Variants in UBXN2B observed in about 807,000 individuals in gnomAD.
UBXN2B encodes UBX domain-containing protein 2B.
A neutral mutation model predicts 37.5 loss-of-function variants in UBXN2B; 19 were observed. The ratio of observed to expected loss-of-function variants is 0.51; its 90% CI spans 0.35 to 0.74. UBXN2B has a LOEUF of 0.74. Among genes scored for constraint, UBXN2B ranks in the 30% least tolerant of loss-of-function variants. The pLI is 0.01. For missense variants in UBXN2B, 370 were observed against 393.2 expected, an observed-to-expected ratio of 0.94 and a Z score of 0.50; for synonymous variants, 145 against 143.8, an observed-to-expected ratio of 1.01 and a Z score of -0.06.
chr8:58,415,149 A>C (rs1454386423), intron 1 of UBXN2B, among the ~76,000 whole-genome samples: 5 of 152,110 alleles, frequency 3.3e-5, no homozygotes, highest in Non-Finnish European at 7.4e-5. Flanking sequence ...ATAATGCTTA[A>C]TATGAATGTC....
intron 7 of UBXN2B, among the ~76,000 whole-genome samples, chr8:58,446,779 A>ATTTTTGTTTTTTTTT (rs1808682867): frequency 5.8e-5 from 1 of 17,386 alleles, no homozygotes; most frequent in African/African-American, 2.2e-4. Flanking sequence ...TACAACCTGC[A>ATTTTTGTTTTTTTTT]TTTTTTTTTT....
Position 58,447,421 on chromosome 8 carries a change from C to A in UBXN2B, c.866C>A (p.Ser289Tyr). The A allele has an allele frequency of 6.2e-7, 1 of 1,611,930 alleles. No homozygotes were observed. The highest frequency in any genetic ancestry group is 8.5e-7 in the Non-Finnish European group (1 of 1,178,980). ...GATGTCCGGAACTTTATTGTACAGT[C>A]TCGTCCTGAATTTGCGGCTCTTGAC... ...ILDVRNFIVQ[S>Y]RPEFAALDFI... is the part of the protein sequence containing the mutation. Residue 289 changes from serine (S) to tyrosine (Y), a missense_variant, in exon 8 of 8, where the codon TCT becomes TAT. Ser to Tyr is a moderately radical substitution (Grantham distance 144, BLOSUM62 -2). Coordinates refer to ENST00000399598, the MANE Select transcript of UBXN2B (RefSeq NM_001077619.2).
intron 2 of UBXN2B, chr8:58,424,892 T>G: frequency 9.7e-7 from 1 of 1,028,938 alleles, no homozygotes; most frequent in Non-Finnish European, 1.5e-6. Context: ...ACCATCTGGA[T>G]AGTTTTGAGA....
At chr8:58,428,189 C>T (rs1039238871) in intron 2 of UBXN2B, among the ~76,000 whole-genome samples, 2 of 152,068 alleles carry the variant, frequency 1.3e-5, no homozygotes, top group African/African-American at 2.4e-5. Flanking sequence ...AGTAAATGCA[C>T]GGGAAAGATG....
At chr8:58,419,919 G>A (rs1807883743) in intron 2 of UBXN2B, among the ~76,000 whole-genome samples, 1 of 152,216 alleles carries the variant, frequency 6.6e-6, no homozygotes, top group South Asian at 2.1e-4. Flanking sequence ...ATGCTTTGCT[G>A]TTACTGTTTT....
At chr8:58,415,892 A>G (rs1807765657) in intron 1 of UBXN2B, among the ~76,000 whole-genome samples, 1 of 152,084 alleles carries the variant, frequency 6.6e-6, no homozygotes, top group Non-Finnish European at 1.5e-5. Flanking sequence ...TTATTTGTGT[A>G]TATTTTAAAA....
chr8:58,434,838 G>A (rs1169448677), intron 5 of UBXN2B: 3 of 1,535,548 alleles, frequency 2.0e-6, no homozygotes, highest in Non-Finnish European at 2.6e-6. Flanking sequence ...CTAAGCCACT[G>A]TCCTGCTTAC....
chr8:58,447,348 G>T, intron 7 of UBXN2B, 41 bp from the exon 8 acceptor site: 8 of 1,489,700 alleles, frequency 5.4e-6, no homozygotes, highest in Non-Finnish European at 7.2e-6. Flanking sequence ...ATGAAAATAT[G>T]ATTTTTTATA....
At position 58,451,477 on chromosome 8, in the gene UBXN2B, TAAA is replaced by T. The variant is rs979492317; in HGVS notation, c.*3927_*3929del. 2 of 152,256 alleles carry T rather than the reference TAAA, an allele frequency of 1.3e-5. No individual in the cohort carries two copies. Among genetic ancestry groups the T allele is most frequent in the Admixed American group, 6.5e-5 (1 of 15,290 alleles). The allele number at this position is 152,256 out of a possible 1,614,324, so 9.4% of individuals were successfully genotyped here. A position where few individuals can be genotyped will look rare whatever the true frequency, so the allele number is the denominator to read the frequency against. On this transcript the variant is annotated 3_prime_UTR_variant, in exon 8 of 8. Coordinates refer to ENST00000399598, the MANE Select transcript of UBXN2B (RefSeq NM_001077619.2). ...AAAGTTTGAAATGTCTGCTTACTAA[TAAA>T]GAATGTTTTCACTGAAACTTATTGG...
At chr8:58,445,170 A>G (rs1174535301) in intron 6 of UBXN2B, among the ~76,000 whole-genome samples, 1 of 152,190 alleles carries the variant, frequency 6.6e-6, no homozygotes, top group Non-Finnish European at 1.5e-5. Context: ...TTTGGCATAT[A>G]CTGGCTGATC....
intron 1 of UBXN2B, among the ~76,000 whole-genome samples, chr8:58,414,848 C>T (rs1485067617): frequency 6.6e-6 from 1 of 151,562 alleles, no homozygotes; most frequent in African/African-American, 2.4e-5. Context: ...GTATGTTCCA[C>T]ATTCCATGGG....
rs1010594528 is a variant in UBXN2B, at chr8:58,447,806, T to C, written c.*255T>C. The C allele has an allele frequency of 1.0e-4, 31 of 298,862 alleles. 1 individual carries two copies. Among genetic ancestry groups the C allele is most frequent in the African/African-American group, 6.4e-4 (30 of 46,634 alleles). 18.5% of individuals were successfully genotyped at this position (298,862 alleles called of 1,614,324 possible). ...GTTTTTGGATTTCTAGGCAAATGAG[T>C]TGTTACATGCTTAGTGTTAATGTAA... On this transcript the variant is annotated 3_prime_UTR_variant, in exon 8 of 8. Coordinates refer to ENST00000399598, the MANE Select transcript of UBXN2B (RefSeq NM_001077619.2).
At chr8:58,444,443 G>A (rs1808622312) in intron 6 of UBXN2B, among the ~76,000 whole-genome samples, 1 of 152,160 alleles carries the variant, frequency 6.6e-6, no homozygotes, top group Middle Eastern at 3.2e-3. Context: ...TTGAAACCAG[G>A]TAATCCAGCT....
intron 2 of UBXN2B, among the ~76,000 whole-genome samples, chr8:58,429,382 A>G: frequency 6.6e-6 from 1 of 152,098 alleles, no homozygotes; most frequent in Admixed American, 6.5e-5. Flanking sequence ...CTTGCTTGCT[A>G]CTCTGGACCC....
At position 58,416,899 on chromosome 8, in the gene UBXN2B, A is replaced by C; in HGVS notation, c.134A>C (p.Lys45Thr). 6.2e-7 allele frequency: 1 copy of C among 1,612,988 alleles called. No homozygotes were observed. Among genetic ancestry groups the C allele is most frequent in the Non-Finnish European group, 8.5e-7 (1 of 1,179,186 alleles). ...YEDEVKCKSS[K>T]SNRPKATVFK... ...GATGAAGTGAAGTGCAAATCTTCCA[A>C]GTCTAATAGACCTAAAGCCACAGTC... Residue 45 changes from lysine (K) to threonine (T), a missense_variant, in exon 2 of 8, where the codon AAG (lysine) becomes ACG (threonine). By Grantham distance (78) the Lys-to-Thr change is moderately conservative. Transcript: ENST00000399598.
rs1004297169 is a variant in UBXN2B at position 58,436,269 on chromosome 8, C to G, written c.533+1765C>G. 2.6e-5 allele frequency among the ~76,000 whole-genome samples: 4 copies of G among 152,110 alleles called. No homozygotes were observed. In the East Asian group the frequency reaches 7.7e-4, roughly 29 times the overall value. ...ACAATCTTCCCTCACTTTACATGGT[C>G]GTAAAGTGGACTTTACTTCCTGGAG... On this transcript the variant is annotated intron_variant, in intron 5 of 7. Coordinates refer to ENST00000399598, the MANE Select transcript of UBXN2B (RefSeq NM_001077619.2).
At position 58,419,477 on chromosome 8, in the gene UBXN2B, G is replaced by A. The variant is rs540962702; in HGVS notation, c.188+2524G>A. 1.5e-3 allele frequency among the ~76,000 whole-genome samples: 235 copies of A among 152,276 alleles called. 1 individual carries two copies. Among genetic ancestry groups the A allele is most frequent in the African/African-American group, 5.5e-3 (228 of 41,542 alleles). Reference sequence around the variant, plus strand: ...GTTTTTAATTTACAAGAGGAGTTACGTAATCTACAGAAAGACCCTCAGGAT... The same window carrying A: ...GTTTTTAATTTACAAGAGGAGTTACATAATCTACAGAAAGACCCTCAGGAT... On this transcript the variant is annotated intron_variant, in intron 2 of 7. Transcript: ENST00000399598.
chr8:58,446,173 T>C (rs1808662850), intron 7 of UBXN2B, 105 bp downstream of exon 7: 4 of 1,197,958 alleles, frequency 3.3e-6, no homozygotes, highest in Non-Finnish European at 4.4e-6. Context: ...TGATATTCTT[T>C]AGGTTTACTT....
At chr8:58,414,282 C>T (rs1360213725) in intron 1 of UBXN2B, among the ~76,000 whole-genome samples, 1 of 152,132 alleles carries the variant, frequency 6.6e-6, no homozygotes, top group African/African-American at 2.4e-5. Flanking sequence ...TTCATTGGTT[C>T]TAGAGTAGAG....
Sources: allele counts gnomAD v4.1 joint callset (sites outside exome capture counted in the v4.1 genomes callset), GRCh38; gene constraint gnomAD v4.1.1; transcripts MANE v1.5; gene names NCBI Gene and HGNC (gene_info 2026-07-23, HGNC 2026-07-21).